Variants in NOL4L observed in about 807,000 individuals in gnomAD.
The protein encoded by NOL4L is nucleolar protein 4-like.
NOL4L carries 7 observed loss-of-function variants against 64.5 expected under a neutral mutation model. The ratio of observed to expected loss-of-function variants is 0.11; its 90% CI spans 0.06 to 0.20. The LOEUF is 0.20. Among genes scored for constraint, NOL4L ranks in the 10% least tolerant of loss-of-function variants. The probability of loss-of-function intolerance (pLI) is 1.00; values close to 1 mark genes in which losing one functional copy is unlikely to be tolerated. For synonymous variants in NOL4L, 413 were observed against 401.0 expected (o/e 1.03, Z -0.36); for missense variants, 680 against 967.1 (o/e 0.70, Z 3.94).
At chr20:32,498,085 C>T (rs958979852) in intron 4 of NOL4L, among the ~76,000 whole-genome samples, 10 of 152,164 alleles carry the variant, frequency 6.6e-5, no homozygotes, top group African/African-American at 2.4e-4. Flanking sequence ...GGAAGGGGCT[C>T]GAGCCTCAAG....
intron 4 of NOL4L, among the ~76,000 whole-genome samples, chr20:32,490,126 C>T (rs1378410537): frequency 1.0e-4 from 2 of 19,478 alleles, no homozygotes; most frequent in Non-Finnish European, 1.6e-4. Flanking sequence ...GAGACTCCAT[C>T]TCAAAAAAAA....
chr20:32,488,965 C>CTTTTTTTT lies in NOL4L; in HGVS notation c.700-14231_700-14224dup, dbSNP rs1174304651. Among the ~76,000 whole-genome samples the CTTTTTTTT allele has an allele frequency of 2.4e-4, 11 of 45,080 alleles. 1 individual carries two copies. Among genetic ancestry groups the CTTTTTTTT allele is most frequent in the African/African-American group, 1.5e-3 (11 of 7,574 alleles). The allele number at this position is 45,080 out of a possible 152,430, so 29.6% of individuals were successfully genotyped here. On this transcript the variant is annotated intron_variant, in intron 4 of 10. Transcript: ENST00000621426. ...CCATTTCTCTATTTGAATTGTTGGT[C>CTTTTTTTT]TTTTTTTTTTTTTTTTTTTGGTAAG...
At chr20:32,553,637 T>C (rs948216974) in intron 1 of NOL4L, among the ~76,000 whole-genome samples, 1 of 152,158 alleles carries the variant, frequency 6.6e-6, no homozygotes, top group Non-Finnish European at 1.5e-5. Flanking sequence ...ACATACAGGC[T>C]CCGTGGAAGA....
At chr20:32,534,877 A>T (rs1191547683) in intron 1 of NOL4L, among the ~76,000 whole-genome samples, 1 of 144,400 alleles carries the variant, frequency 6.9e-6, no homozygotes, top group East Asian at 2.0e-4. Flanking sequence ...GTGAGACCCC[A>T]TCTCAAAAAA....
rs185105273 is a variant in NOL4L at position 32,564,222 on chromosome 20, G to T, written c.321+20348C>A. On this transcript the variant is annotated intron_variant, in intron 1 of 10. Coordinates refer to ENST00000621426, the MANE Select transcript of NOL4L (RefSeq NM_001256798.2). ...AGGAAGGCCAGAAGAGACCATTAACGTGGCCCTGTCATCCTTCAGAGCACT... is the reference window on the plus strand; with the variant it reads ...AGGAAGGCCAGAAGAGACCATTAACTTGGCCCTGTCATCCTTCAGAGCACT... Among the ~76,000 whole-genome samples, 33 of 152,328 alleles carry T rather than the reference G, an allele frequency of 2.2e-4. 1 individual carries two copies. In the East Asian group the frequency reaches 6.4e-3, roughly 29 times the overall value.
At chr20:32,471,001 G>A (rs1163505553) in intron 5 of NOL4L, among the ~76,000 whole-genome samples, 2 of 152,206 alleles carry the variant, frequency 1.3e-5, no homozygotes, top group Non-Finnish European at 1.5e-5. Flanking sequence ...GGCTGTGATC[G>A]CAGGGACCTG....
At chr20:32,537,251 T>G (rs948942061) in intron 1 of NOL4L, 1 of 364,440 alleles carries the variant, frequency 2.7e-6, no homozygotes. Context: ...TGTGGCCATT[T>G]GCCCAGGGTC....
At chr20:32,560,370 CTG>C (rs988152493) in intron 1 of NOL4L, among the ~76,000 whole-genome samples, 3 of 152,234 alleles carry the variant, frequency 2.0e-5, no homozygotes, top group Non-Finnish European at 4.4e-5. Context: ...CAAGAGGAAA[CTG>C]AGGCTCAGAG....
chr20:32,460,824 A>G lies in NOL4L; in HGVS notation c.842-4429T>C, dbSNP rs2013970697. ...TCGGAGCTCATGCTCCAGCAGCGAC[A>G]AATCAAACCTGAGGGCTCCAGAGGA... On this transcript the variant is annotated intron_variant, in intron 5 of 10. Coordinates refer to ENST00000621426, the MANE Select transcript of NOL4L (RefSeq NM_001256798.2). This position sits in a 1 kb window ranked among gnomAD's most constrained non-coding sequence, Gnocchi z 5.7. 6.6e-6 allele frequency among the ~76,000 whole-genome samples: 1 copy of G among 152,188 alleles called. No individual in the cohort carries two copies. Among genetic ancestry groups the G allele is most frequent in the Non-Finnish European group, 1.5e-5 (1 of 68,030 alleles).
chr20:32,447,641 C>T lies in NOL4L; in HGVS notation c.1998G>A (p.Leu666=). Residue 666 remains leucine (L), a synonymous_variant, in exon 11 of 11, where the codon CTG becomes CTA. Coordinates refer to ENST00000621426, the MANE Select transcript of NOL4L (RefSeq NM_001256798.2). ...GGTTTTCCAGTTCATCTGCAGAGCGCAGCAGGAAGGCAGCAGACTCCCGGT... is the reference window on the plus strand; with the variant it reads ...GGTTTTCCAGTTCATCTGCAGAGCGTAGCAGGAAGGCAGCAGACTCCCGGT... The part of the protein sequence containing the change: ...AGYRESAAFL[L]RSADELENLI... The T allele has an allele frequency of 1.2e-6, 2 of 1,610,042 alleles. No homozygotes were observed. Among genetic ancestry groups the T allele is most frequent in the South Asian group, 1.1e-5 (1 of 90,988 alleles).
chr20:32,466,657 G>A (rs1297945305), intron 5 of NOL4L, among the ~76,000 whole-genome samples: 1 of 150,074 alleles, frequency 6.7e-6, no homozygotes, highest in Non-Finnish European at 1.5e-5. Flanking sequence ...TGGGGTGGGG[G>A]TGGGTGGGAC....
chr20:32,500,765 C>T (rs979241322), intron 4 of NOL4L, among the ~76,000 whole-genome samples: 5 of 151,886 alleles, frequency 3.3e-5, no homozygotes, highest in Non-Finnish European at 7.4e-5. Context: ...CAAACAAAAA[C>T]CCCAAACACC....
chr20:32,486,504 T>G (rs1301290591), intron 4 of NOL4L, among the ~76,000 whole-genome samples: 2 of 152,174 alleles, frequency 1.3e-5, no homozygotes, highest in Non-Finnish European at 2.9e-5. Context: ...AACCCCTTTC[T>G]TTCATGCAGC....
At position 32,520,896 on chromosome 20, in the gene NOL4L, C is replaced by G. The variant is rs540662301; in HGVS notation, c.504G>C (p.Pro168=). 10 of 1,550,432 alleles carry G rather than the reference C, an allele frequency of 6.4e-6. No homozygotes were observed. Among genetic ancestry groups the G allele is most frequent in the Non-Finnish European group, 7.8e-6 (9 of 1,146,870 alleles). The change falls in exon 3 of 11, where the codon CCG becomes CCC. Residue 168 remains proline, a synonymous_variant. Coordinates refer to ENST00000621426, the MANE Select transcript of NOL4L (RefSeq NM_001256798.2). ...RAIAETYAFL[P]REAVTRFLMS... Reference sequence around the variant, plus strand: ...TCAGGAACCGGGTCACGGCCTCTCTCGGGAGGAAGGCATAGGTCTCTGCGA... The same window carrying G: ...TCAGGAACCGGGTCACGGCCTCTCTGGGGAGGAAGGCATAGGTCTCTGCGA...
chr20:32,534,881 CAA>C (rs57677677), intron 1 of NOL4L, among the ~76,000 whole-genome samples: 52 of 67,812 alleles, frequency 7.7e-4, no homozygotes, highest in African/African-American at 1.0e-3. Context: ...GACCCCATCT[CAA>C]AAAAAAAAAA....
In NOL4L at chr20:32,446,668, G is replaced by C. The variant is rs548032244; in HGVS notation, c.*928C>G. On this transcript the variant is annotated 3_prime_UTR_variant, in exon 11 of 11. Transcript: ENST00000621426. Reference sequence around the variant, plus strand: ...TGGTTAGGGACAGGACGCTCTCTGGGTTCCAGCTCCTGGACACCCAGTCTG... The same window carrying C: ...TGGTTAGGGACAGGACGCTCTCTGGCTTCCAGCTCCTGGACACCCAGTCTG... 6.5e-6 allele frequency: 1 copy of C among 154,060 alleles called. No individual in the cohort carries two copies. The highest frequency in any genetic ancestry group is 2.0e-4 in the South Asian group (1 of 4,934). The allele number at this position is 154,060 out of a possible 1,614,324, so 9.5% of individuals were successfully genotyped here.
intron 4 of NOL4L, chr20:32,509,795 G>A: frequency 7.7e-7 from 1 of 1,302,800 alleles, no homozygotes; most frequent in African/African-American, 1.5e-5. Flanking sequence ...GTGGTGACCT[G>A]GATTTAGTGC....
intron 1 of NOL4L, among the ~76,000 whole-genome samples, chr20:32,531,856 G>A (rs927060926): frequency 5.3e-5 from 8 of 152,028 alleles, no homozygotes; most frequent in East Asian, 3.9e-4. Context: ...CCTCTGACGC[G>A]TCCAGAGGGG....
At chr20:32,538,462 GCTCC>G (rs145359787) in intron 1 of NOL4L, among the ~76,000 whole-genome samples, 14,764 of 124,290 alleles carry the variant, frequency 0.12, 679 homozygotes, top group Non-Finnish European at 0.16. Context: ...TCCCTCCCTC[GCTCC>G]CTCCCTCCCT....
Sources: gnomAD v4.1 joint callset for allele counts (sites outside exome capture counted in the v4.1 genomes callset) on GRCh38, gnomAD v4.1.1 for gene constraint, Gnocchi (gnomAD v3.1) non-coding constraint, MANE v1.5 for transcripts, NCBI Gene and HGNC (gene_info 2026-07-23, HGNC 2026-07-21) for gene names.